DLG2: variants seen among roughly 807,000 people sequenced by gnomAD.
DLG2 encodes disks large homolog 2.
In DLG2, 45 loss-of-function variants were observed where a neutral mutation model predicts 132.5. The ratio of observed to expected loss-of-function variants is 0.34; its 90% CI spans 0.27 to 0.44. The LOEUF is 0.44. Ranked by LOEUF, DLG2 falls within the 20% of genes least tolerant of loss-of-function variation. The probability of loss-of-function intolerance (pLI) is 1.00; values close to 1 mark genes in which losing one functional copy is unlikely to be tolerated. For missense variants in DLG2, 1,045 were observed against 1,196.9 expected, an observed-to-expected ratio of 0.87 and a Z score of 1.87; for synonymous variants, 424 against 419.6, an observed-to-expected ratio of 1.01 and a Z score of -0.13.
intron 10 of DLG2, among the ~76,000 whole-genome samples, chr11:84,082,328 T>C (rs2096916806): frequency 6.6e-6 from 1 of 152,170 alleles, no homozygotes; most frequent in African/African-American, 2.4e-5. Context: ...GTATAATAAA[T>C]AGAGGCTTTT....
chr11:84,070,074 C>A (rs1024688773), intron 10 of DLG2, among the ~76,000 whole-genome samples: 11 of 152,202 alleles, frequency 7.2e-5, no homozygotes, highest in African/African-American at 2.7e-4. Flanking sequence ...CCAGGTTCAA[C>A]TTCCTAAGGC....
At chr11:83,836,878 G>A (rs1047733331) in intron 16 of DLG2, among the ~76,000 whole-genome samples, 6 of 152,128 alleles carry the variant, frequency 3.9e-5, no homozygotes, top group Admixed American at 1.3e-4. Context: ...CTTGCAGCTG[G>A]GTGGGCATGG....
chr11:83,606,554 T>C (rs2059352495), intron 19 of DLG2, among the ~76,000 whole-genome samples: 1 of 151,988 alleles, frequency 6.6e-6, no homozygotes, highest in South Asian at 2.1e-4. Context: ...GCCCATACAG[T>C]TGTCAGGGTC....
chr11:85,207,503 C>T (rs990801362), intron 4 of DLG2, among the ~76,000 whole-genome samples: 9 of 152,104 alleles, frequency 5.9e-5, no homozygotes, highest in African/African-American at 2.2e-4. Flanking sequence ...CTGGACTGAC[C>T]TTCCCATTAT....
intron 3 of DLG2, among the ~76,000 whole-genome samples, chr11:85,447,245 A>G (rs2092050442): frequency 6.6e-6 from 1 of 152,180 alleles, no homozygotes; most frequent in Non-Finnish European, 1.5e-5. Context: ...GACTCCAAGA[A>G]TACTATGATG....
chr11:85,167,139 T>G (rs543801427), intron 4 of DLG2, among the ~76,000 whole-genome samples: 1 of 152,270 alleles, frequency 6.6e-6, no homozygotes, highest in East Asian at 1.9e-4. Flanking sequence ...TCTAAAAATA[T>G]ATGTTAAAAA....
intron 6 of DLG2, among the ~76,000 whole-genome samples, chr11:84,549,745 T>C (rs1408027815): frequency 2.0e-5 from 3 of 152,078 alleles, no homozygotes; most frequent in African/African-American, 4.8e-5. Flanking sequence ...ATTCTTCCTA[T>C]TTCTCTTTTT....
chr11:83,794,422 A>G (rs1672688370), intron 17 of DLG2, among the ~76,000 whole-genome samples: 1 of 143,122 alleles, frequency 7.0e-6, no homozygotes, highest in South Asian at 2.3e-4. Context: ...ACACAGCCTC[A>G]TATATTTACT....
chr11:84,271,949 C>CAA (rs71036417), intron 7 of DLG2, among the ~76,000 whole-genome samples: 2,468 of 77,764 alleles, frequency 0.032, 111 homozygotes, highest in East Asian at 0.27. Flanking sequence ...TTGATAATAA[C>CAA]AAAAAAAAAA....
At chr11:85,497,025 C>T (rs2093682911) in intron 3 of DLG2, among the ~76,000 whole-genome samples, 1 of 151,780 alleles carries the variant, frequency 6.6e-6, no homozygotes. Context: ...TCTTCTCCTC[C>T]AAAGGAAAAC....
chr11:83,604,130 C>T (rs1352390914), intron 19 of DLG2, among the ~76,000 whole-genome samples: 4 of 152,156 alleles, frequency 2.6e-5, no homozygotes, highest in South Asian at 2.1e-4. Context: ...CTAAACTAAA[C>T]TAAACTAAAT....
chr11:84,819,660 C>T (rs542804395), intron 6 of DLG2, among the ~76,000 whole-genome samples: 24 of 151,942 alleles, frequency 1.6e-4, no homozygotes, highest in African/African-American at 5.1e-4. Context: ...CATTGACCTG[C>T]CAAGGAGAAG....
At chr11:85,205,542 G>T (rs2081827145) in intron 4 of DLG2, among the ~76,000 whole-genome samples, 2 of 152,244 alleles carry the variant, frequency 1.3e-5, no homozygotes, top group Middle Eastern at 3.4e-3. Flanking sequence ...AAAAGAATTG[G>T]AATGTTGCCA....
chr11:83,503,408 T>TAG lies in DLG2; in HGVS notation c.2194-19181_2194-19180insCT, dbSNP rs1293417489. ...ATATATATATATATATATATATATA[T>TAG]ATATATATATATATAGATAGATCTA... On this transcript the variant is annotated intron_variant, in intron 21 of 27. Transcript: ENST00000376104. Among the ~76,000 whole-genome samples, 73 of 71,212 alleles carry TAG rather than the reference T, an allele frequency of 1.0e-3. 1 individual carries two copies. The highest frequency in any genetic ancestry group is 3.9e-3 in the Admixed American group (23 of 5,944). 46.7% of individuals were successfully genotyped at this position (71,212 alleles called of 152,430 possible).
chr11:85,498,085 A>G (rs545956916), intron 3 of DLG2, among the ~76,000 whole-genome samples: 25 of 152,352 alleles, frequency 1.6e-4, no homozygotes, highest in African/African-American at 5.8e-4. Flanking sequence ...GACATTATTA[A>G]CCTTAAATGT....
At chr11:84,912,357 C>T (rs1446463570) in intron 6 of DLG2, among the ~76,000 whole-genome samples, 2 of 152,148 alleles carry the variant, frequency 1.3e-5, no homozygotes, top group Admixed American at 1.3e-4. Context: ...AGGGTTTCAC[C>T]GTGTTAGCCA....
At chr11:84,985,379 T>C (rs149868258) in intron 6 of DLG2, among the ~76,000 whole-genome samples, 2,056 of 152,226 alleles carry the variant, frequency 0.014, 24 homozygotes, top group South Asian at 0.04. Flanking sequence ...CAAATGATCA[T>C]TGGATCAAAA....
intron 7 of DLG2, among the ~76,000 whole-genome samples, chr11:84,470,925 G>A (rs899067231): frequency 3.3e-5 from 5 of 151,806 alleles, no homozygotes; most frequent in African/African-American, 1.2e-4. Flanking sequence ...GGACAAAGAT[G>A]GGCATTCCTG....
chr11:85,524,011 A>T (rs554366635), intron 3 of DLG2, among the ~76,000 whole-genome samples: 1 of 152,334 alleles, frequency 6.6e-6, no homozygotes, highest in Admixed American at 6.5e-5. Flanking sequence ...GTTCTCATTT[A>T]TTTTTGGCAG....
Sources: allele counts gnomAD v4.1 joint callset (sites outside exome capture counted in the v4.1 genomes callset), GRCh38; gene constraint gnomAD v4.1.1; transcripts MANE v1.5; gene names NCBI Gene and HGNC (gene_info 2026-07-23, HGNC 2026-07-21).